The following CTNNA3 variants were observed in gnomAD, a reference collection of about 807,000 sequenced individuals.
CTNNA3 encodes catenin alpha-3.
CTNNA3 carries 76 observed loss-of-function variants against 95.7 expected under a neutral mutation model. The ratio of observed to expected loss-of-function variants is 0.79; its 90% CI spans 0.66 to 0.96. The LOEUF (loss-of-function observed/expected upper bound fraction) is 0.96, where lower values mean the gene tolerates loss of function less well. Among genes scored for constraint, CTNNA3 ranks in the 40% least tolerant of loss-of-function variants. The probability of loss-of-function intolerance (pLI) is 0.00; values close to 1 mark genes in which losing one functional copy is unlikely to be tolerated. For missense variants in CTNNA3, 1,191 were observed against 1,089.8 expected, an observed-to-expected ratio of 1.09 and a Z score of -1.31; for synonymous variants, 431 against 374.4, an observed-to-expected ratio of 1.15 and a Z score of -1.74.
At chr10:66,847,925 G>A (rs546137486) in intron 7 of CTNNA3, among the ~76,000 whole-genome samples, 18 of 152,144 alleles carry the variant, frequency 1.2e-4, no homozygotes, top group Non-Finnish European at 2.2e-4. Context: ...ATGTCTTAGA[G>A]AGAGACTTGA....
At chr10:66,945,879 G>A (rs753105548) in intron 7 of CTNNA3, among the ~76,000 whole-genome samples, 11 of 152,164 alleles carry the variant, frequency 7.2e-5, no homozygotes, top group South Asian at 6.2e-4. Flanking sequence ...TCAGTGAAGC[G>A]GTCAGGACAT....
At chr10:67,743,656 A>G (rs1429474773) in intron 1 of CTNNA3, among the ~76,000 whole-genome samples, 1 of 151,428 alleles carries the variant, frequency 6.6e-6, no homozygotes, top group Middle Eastern at 3.5e-3. Context: ...GGCCAGGGCA[A>G]TCAGGCAGGA....
intron 11 of CTNNA3, among the ~76,000 whole-genome samples, chr10:66,477,455 T>A (rs1196543819): frequency 6.6e-6 from 1 of 152,110 alleles, no homozygotes; most frequent in Admixed American, 6.6e-5. Context: ...TTTAGTGAGT[T>A]CTACTTATGT....
intron 1 of CTNNA3, among the ~76,000 whole-genome samples, chr10:67,759,683 A>C (rs931755187): frequency 2.0e-5 from 3 of 152,200 alleles, no homozygotes; most frequent in African/African-American, 7.2e-5. Flanking sequence ...ATTCTATTAT[A>C]TAAAACTCCA....
Position 66,542,639 on chromosome 10 carries a change from C to CA in CTNNA3, c.1375-21867dup, listed in dbSNP as rs750866185. 3.5e-3 allele frequency among the ~76,000 whole-genome samples: 510 copies of CA among 147,654 alleles called. 4 individuals are homozygous for CA. Among genetic ancestry groups the CA allele is most frequent in the Middle Eastern group, 6.9e-3 (2 of 288 alleles). On this transcript the variant is annotated intron_variant, in intron 10 of 17. Coordinates refer to ENST00000433211, the MANE Select transcript of CTNNA3 (RefSeq NM_013266.4). ...CATTCTCAGCAAACTATCACAAGGACAAAAAACCAAACACCGCATGTTCTC... is the reference window on the plus strand; with the variant it reads ...CATTCTCAGCAAACTATCACAAGGACAAAAAAACCAAACACCGCATGTTCTC...
At chr10:67,372,328 C>G (rs1437052832) in intron 5 of CTNNA3, among the ~76,000 whole-genome samples, 1 of 152,116 alleles carries the variant, frequency 6.6e-6, no homozygotes, top group Non-Finnish European at 1.5e-5. Context: ...ATGGTAATGC[C>G]TAGGTTTTCT....
chr10:67,560,182 T>C (rs1381117358), intron 3 of CTNNA3, among the ~76,000 whole-genome samples: 1 of 151,978 alleles, frequency 6.6e-6, no homozygotes, highest in Non-Finnish European at 1.5e-5. Context: ...AGACACATAA[T>C]TGTTAGATTC....
intron 7 of CTNNA3, among the ~76,000 whole-genome samples, chr10:66,871,307 C>G (rs2132440296): frequency 6.6e-6 from 1 of 152,004 alleles, no homozygotes; most frequent in Non-Finnish European, 1.5e-5. Context: ...GCCTGTAATC[C>G]CAGCACTTTG....
At chr10:67,416,896 A>T (rs1390313368) in intron 5 of CTNNA3, among the ~76,000 whole-genome samples, 1 of 152,160 alleles carries the variant, frequency 6.6e-6, no homozygotes, top group East Asian at 1.9e-4. Context: ...AGATTTCTCA[A>T]ATAATTTAAA....
intron 1 of CTNNA3, among the ~76,000 whole-genome samples, chr10:67,661,240 CA>C (rs894815460): frequency 1.3e-3 from 44 of 35,178 alleles, no homozygotes; most frequent in Middle Eastern, 0.017. Flanking sequence ...TTTACTAAAA[CA>C]AAAAAAAAAG....
chr10:67,391,966 A>G (rs1844510112), intron 5 of CTNNA3, among the ~76,000 whole-genome samples: 1 of 151,512 alleles, frequency 6.6e-6, no homozygotes, highest in Non-Finnish European at 1.5e-5. Context: ...AAGAAAACCT[A>G]GGCATTACCA....
intron 12 of CTNNA3, among the ~76,000 whole-genome samples, chr10:66,308,806 T>G (rs1403664138): frequency 6.6e-6 from 1 of 152,156 alleles, no homozygotes; most frequent in Non-Finnish European, 1.5e-5. Flanking sequence ...AAAATTCATG[T>G]TTTATTATAT....
chr10:67,400,883 T>C (rs1242055321), intron 5 of CTNNA3, among the ~76,000 whole-genome samples: 1 of 152,146 alleles, frequency 6.6e-6, no homozygotes, highest in East Asian at 1.9e-4. Context: ...CAGAGAAATT[T>C]ACAACTAAAT....
chr10:67,647,498 G>C lies in CTNNA3; in HGVS notation c.16C>G (p.Pro6Ala), dbSNP rs756147614. Residue 6 changes from proline (P) to alanine (A), a missense_variant, in exon 2 of 18, where the codon CCA becomes GCA. Transcript: ENST00000433211. MSAETPITLNIDPQDL... is the reference protein window; with the variant it reads MSAETAITLNIDPQDL... ...TGAGGATCGATATTCAATGTGATTG[G>C]TGTTTCAGCTGACATGCTGCCTGTG... 5.0e-6 allele frequency: 8 copies of C among 1,613,134 alleles called. No individual in the cohort carries two copies. The highest frequency in any genetic ancestry group is 6.8e-6 in the Non-Finnish European group (8 of 1,179,344).
chr10:67,347,195 A>T (rs1257668151), intron 5 of CTNNA3, among the ~76,000 whole-genome samples: 2 of 151,804 alleles, frequency 1.3e-5, no homozygotes, highest in East Asian at 3.9e-4. Flanking sequence ...GACTATGGGC[A>T]TGAGCCACCA....
At chr10:67,492,572 T>C (rs1838884906) in intron 5 of CTNNA3, among the ~76,000 whole-genome samples, 1 of 152,148 alleles carries the variant, frequency 6.6e-6, no homozygotes, top group South Asian at 2.1e-4. Flanking sequence ...AACTTAAAGA[T>C]CAAATGTGCA....
At position 66,411,541 on chromosome 10, in the gene CTNNA3, C is replaced by A. The variant is rs144110261; in HGVS notation, c.1532-32189G>T. 3.4e-3 allele frequency among the ~76,000 whole-genome samples: 516 copies of A among 151,752 alleles called. 1 individual carries two copies. The highest frequency in any genetic ancestry group is 0.01 in the African/African-American group (417 of 41,382). ...ATATGGAATTCAAAAATAAATTTAA[C>A]AAATATTTATAAGGTTTACCATTGG... is the stretch of plus-strand genomic sequence containing the variant. On this transcript the variant is annotated intron_variant, in intron 11 of 17. Coordinates refer to ENST00000433211, the MANE Select transcript of CTNNA3 (RefSeq NM_013266.4).
At chr10:66,178,281 A>C (rs2085825227) in intron 13 of CTNNA3, among the ~76,000 whole-genome samples, 1 of 150,496 alleles carries the variant, frequency 6.6e-6, no homozygotes, top group Non-Finnish European at 1.5e-5. Context: ...TACAATTAAA[A>C]ACCTTGAAAT....
chr10:66,093,251 G>A (rs1171040474), intron 14 of CTNNA3, among the ~76,000 whole-genome samples: 1 of 151,942 alleles, frequency 6.6e-6, no homozygotes, highest in African/African-American at 2.4e-5. Context: ...TTAAATTCAA[G>A]TAAAGAACTT....
Sources: gnomAD v4.1 joint callset for allele counts (sites outside exome capture counted in the v4.1 genomes callset) on GRCh38, gnomAD v4.1.1 for gene constraint, MANE v1.5 for transcripts, NCBI Gene and HGNC (gene_info 2026-07-23, HGNC 2026-07-21) for gene names.